The following ECE1 variants were observed in gnomAD, a reference collection of about 807,000 sequenced individuals.
ECE1 encodes endothelin-converting enzyme 1.
ECE1 carries 35 observed loss-of-function variants against 98.6 expected under a neutral mutation model. That is an observed-to-expected ratio of 0.35 (90% CI 0.27 to 0.47). The LOEUF is 0.47. ECE1 is among the 20% of genes least tolerant of loss of function. ECE1 has a pLI of 1.00. For synonymous variants in ECE1, 394 were observed against 407.1 expected (o/e 0.97, Z 0.39); for missense variants, 814 against 1,025.3 (o/e 0.79, Z 2.81).
intron 1 of ECE1, among the ~76,000 whole-genome samples, chr1:21,308,421 G>A (rs569040904): frequency 6.6e-5 from 10 of 152,222 alleles, no homozygotes; most frequent in African/African-American, 1.9e-4. Flanking sequence ...CTATTTGGGG[G>A]AACAGCCCTT....
rs190235967 is a variant in ECE1, at chr1:21,233,166, G to C, written c.1670+392C>G. On this transcript the variant is annotated intron_variant, in intron 14 of 18. Transcript: ENST00000374893. This position sits in a 1 kb window ranked among gnomAD's most constrained non-coding sequence, Gnocchi z 4.0. The stretch of plus-strand genomic sequence containing the variant: ...TCTTGCTGGGGCCTCCTTGGGGTCT[G>C]GCGCTCCCCAGAGGTCCTCACATTT... 173 of 193,530 alleles carry C rather than the reference G, an allele frequency of 8.9e-4. 1 individual carries two copies. Among genetic ancestry groups the C allele is most frequent in the African/African-American group, 3.9e-3 (165 of 42,774 alleles). The allele number at this position is 193,530 out of a possible 1,614,324, so 12.0% of individuals were successfully genotyped here.
chr1:21,236,664 A>C, intron 12 of ECE1, 82 bp downstream of exon 12: 2 of 1,366,554 alleles, frequency 1.5e-6, no homozygotes, highest in Non-Finnish European at 2.1e-6. Flanking sequence ...AACAAACAAA[A>C]AAACCGGCCT....
At chr1:21,282,148 G>C (rs2098255288) in intron 2 of ECE1, among the ~76,000 whole-genome samples, 1 of 152,174 alleles carries the variant, frequency 6.6e-6, no homozygotes, top group Non-Finnish European at 1.5e-5. Context: ...AAATTAGCTA[G>C]GCATGGTGGC....
At chr1:21,335,999 G>A (rs985179465) in intron 1 of ECE1, among the ~76,000 whole-genome samples, 33 of 152,236 alleles carry the variant, frequency 2.2e-4, no homozygotes, top group African/African-American at 7.5e-4. Flanking sequence ...TGCCAGCCCA[G>A]AACTGCCAGG....
rs141214362 is a variant in ECE1 at position 21,285,323 on chromosome 1, CA to C, written c.138+4746del. On this transcript the variant is annotated intron_variant, in intron 2 of 18. Coordinates refer to ENST00000374893, the MANE Select transcript of ECE1 (RefSeq NM_001397.3). ...GAGAAAGATGGTAACCCTGAGAAGT[CA>C]AATATCCCACTGTGTGTTGCTGGGC... Among the ~76,000 whole-genome samples the C allele has an allele frequency of 5.3e-3, 803 of 152,278 alleles. 4 individuals carry two copies. Among genetic ancestry groups the C allele is most frequent in the Non-Finnish European group, 9.3e-3 (630 of 68,014 alleles).
chr1:21,328,402 G>C (rs1416532683), intron 1 of ECE1, among the ~76,000 whole-genome samples: 1 of 152,198 alleles, frequency 6.6e-6, no homozygotes, highest in Non-Finnish European at 1.5e-5. Flanking sequence ...CTCAGTAAAT[G>C]GTAGATATTG....
At chr1:21,257,086 G>A (rs562970677) in intron 7 of ECE1, among the ~76,000 whole-genome samples, 99 of 152,274 alleles carry the variant, frequency 6.5e-4, no homozygotes, top group Non-Finnish European at 1.3e-3. Flanking sequence ...TCTCAGGCTC[G>A]TCATTTACTG....
chr1:21,255,967 C>T lies in ECE1; in HGVS notation c.1000G>A (p.Val334Met), dbSNP rs556841826. ...GTTACCTGCAGCTCGGCTGCCGTCA[C>T]TTTGTGGTAGATGAGCTCCTCATCA... is the stretch of plus-strand genomic sequence containing the variant. ...RRDEELIYHK[V>M]TAAELQTLAP... Residue 334 changes from valine to methionine, a missense_variant, in exon 8 of 19, where the codon GTG becomes ATG. Val to Met is a conservative substitution (Grantham distance 21). Around this residue, in one of 3 missense-constraint regions of ECE1, gnomAD observed 105 missense variants for 179.1 expected, o/e 0.59. Coordinates refer to ENST00000374893, the MANE Select transcript of ECE1 (RefSeq NM_001397.3). 1 of 1,614,176 alleles carries T rather than the reference C, an allele frequency of 6.2e-7. No homozygotes were observed. The highest frequency in any genetic ancestry group is 2.2e-5 in the East Asian group (1 of 44,888).
At chr1:21,284,532 C>T (rs113003232) in intron 2 of ECE1, among the ~76,000 whole-genome samples, 11 of 152,248 alleles carry the variant, frequency 7.2e-5, no homozygotes, top group African/African-American at 2.2e-4. Context: ...ACAGAAAGAG[C>T]GAGAGAGCTA....
rs1558365677 is a variant in ECE1 at position 21,225,341 on chromosome 1, C to T, written c.1949G>A (p.Ser650Asn). The T allele has an allele frequency of 1.9e-6, 3 of 1,614,226 alleles. No homozygotes were observed. Among genetic ancestry groups the T allele is most frequent in the South Asian group, 2.2e-5 (2 of 91,090 alleles). ...CGGCTCCCCGTTCACGCTGTAGTTGCTGTACTGCTCTACCATGCACTCGGT... is the reference window on the plus strand; with the variant it reads ...CGGCTCCCCGTTCACGCTGTAGTTGTTGTACTGCTCTACCATGCACTCGGT... The part of the protein sequence containing the change: ...RQTECMVEQY[S>N]NYSVNGEPVN... Residue 650 changes from serine (S) to asparagine (N), a missense_variant, in exon 17 of 19, where the codon AGC (serine) becomes AAC (asparagine). Coordinates refer to ENST00000374893, the MANE Select transcript of ECE1 (RefSeq NM_001397.3). This position sits in a 1 kb window ranked among gnomAD's most constrained non-coding sequence, Gnocchi z 5.3.
At chr1:21,294,247 C>T (rs1472514997), upstream of ECE1, 2 of 152,506 alleles carry the variant, frequency 1.3e-5, no homozygotes, top group South Asian at 2.1e-4. This position sits in a 1 kb window ranked among gnomAD's most constrained non-coding sequence, Gnocchi z 4.2. Context: ...CCTGGGCAGA[C>T]TGAGGCTCTG....
At chr1:21,239,939 G>A (rs973526538) in intron 10 of ECE1, among the ~76,000 whole-genome samples, 3 of 152,190 alleles carry the variant, frequency 2.0e-5, no homozygotes, top group Non-Finnish European at 1.5e-5. Context: ...GGGAGGCCGA[G>A]GCAAGTGGAT....
In ECE1 at chr1:21,290,215, T is replaced by A. The variant is rs1277549504; in HGVS notation, c.52-59A>T. The A allele has an allele frequency of 6.9e-7, 1 of 1,453,210 alleles. No homozygotes were observed. Among genetic ancestry groups the A allele is most frequent in the Non-Finnish European group, 9.1e-7 (1 of 1,098,298 alleles). 90.0% of individuals were successfully genotyped at this position (1,453,210 alleles called of 1,614,324 possible). On this transcript the variant is annotated intron_variant, in intron 1 of 18. Transcript: ENST00000374893. The surrounding 1 kb of genome is among the most constrained non-coding windows in gnomAD (Gnocchi z 7.3). ...CGCCTCCATGGCTCTCGCGCCCGAA[T>A]GGGGAAGCGGCCCCGACCCTGGCGC... is the stretch of plus-strand genomic sequence containing the variant.
At chr1:21,337,216 C>T (rs1411202802) in intron 1 of ECE1, among the ~76,000 whole-genome samples, 1 of 152,220 alleles carries the variant, frequency 6.6e-6, no homozygotes, top group African/African-American at 2.4e-5. Context: ...GACATTTACA[C>T]GTACATCCAC....
intron 7 of ECE1, 74 bp downstream of exon 7, chr1:21,257,451 A>G: frequency 9.1e-6 from 14 of 1,539,550 alleles, no homozygotes; most frequent in Non-Finnish European, 1.3e-5. Context: ...AAAGACCTGC[A>G]CAGGTGTGGG....
intron 1 of ECE1, among the ~76,000 whole-genome samples, chr1:21,314,345 A>C (rs577114606): frequency 6.6e-6 from 1 of 152,236 alleles, no homozygotes; most frequent in South Asian, 2.1e-4. Flanking sequence ...CGGGCCCCCA[A>C]ATTCCTGGCT....
intron 11 of ECE1, 76 bp from the exon 12 acceptor site, chr1:21,236,920 C>A (rs2098189036): frequency 6.9e-6 from 9 of 1,303,236 alleles, no homozygotes; most frequent in Non-Finnish European, 1.0e-5. Context: ...CCGTGCAGAA[C>A]AATGATGGCC....
intron 2 of ECE1, among the ~76,000 whole-genome samples, chr1:21,286,607 G>A (rs2098260760): frequency 6.6e-6 from 1 of 152,160 alleles, no homozygotes; most frequent in African/African-American, 2.4e-5. Flanking sequence ...TTAGTAGACT[G>A]CAAGTAATCT....
upstream of ECE1, among the ~76,000 whole-genome samples, chr1:21,293,047 C>T (rs1569683046): frequency 6.6e-6 from 1 of 152,196 alleles, no homozygotes; most frequent in Non-Finnish European, 1.5e-5. Context: ...AACATCTCCC[C>T]GGGGCATGTG....
Sources: gnomAD v4.1 joint callset for allele counts (sites outside exome capture counted in the v4.1 genomes callset) on GRCh38, gnomAD v4.1.1 for gene constraint, gnomAD v4.1.1 regional missense constraint, Gnocchi (gnomAD v3.1) non-coding constraint, MANE v1.5 for transcripts, NCBI Gene and HGNC (gene_info 2026-07-23, HGNC 2026-07-21) for gene names.